Variants in DUOX2 observed in about 807,000 individuals in gnomAD.
The protein encoded by DUOX2 is NADH/NADPH thyroid oxidase p138-tox.
In DUOX2, 185 loss-of-function variants were observed where a neutral mutation model predicts 183.3. That is an observed-to-expected ratio of 1.01 (90% CI 0.90 to 1.14). The LOEUF (loss-of-function observed/expected upper bound fraction) is 1.14, where lower values mean the gene tolerates loss of function less well. DUOX2 is among the 50% of genes most tolerant of loss of function. The pLI, the probability that DUOX2 is intolerant of heterozygous loss-of-function variation, is 0.00. For missense variants in DUOX2, 1,999 were observed against 2,022.9 expected (o/e 0.99, Z 0.23); for synonymous variants, 788 against 812.4 (o/e 0.97, Z 0.51).
At chr15:45,110,083 G>A in intron 9 of DUOX2, 103 bp from the exon 10 acceptor site, 1 of 1,067,002 alleles carries the variant, frequency 9.4e-7, no homozygotes. Context: ...GGATTGAGCA[G>A]TGGCCCAGGA....
At chr15:45,095,287 T>C in intron 31 of DUOX2, 150 bp downstream of exon 31, 1 of 1,422,528 alleles carries the variant, frequency 7.0e-7, no homozygotes, top group South Asian at 1.2e-5. Context: ...CCAACCTCCC[T>C]CCAAGTTTGG....
Position 45,101,206 on chromosome 15 carries a change from G to A in DUOX2, c.2920C>T (p.Arg974Cys), listed in dbSNP as rs1465903121. ...TGCCAGAGCCCCATTCCTGCTCACCGCTCCCCAGGTGTCCGAGTGATGAAC... is the reference window on the plus strand; with the variant it reads ...TGCCAGAGCCCCATTCCTGCTCACCACTCCCCAGGTGTCCGAGTGATGAAC... The part of the protein sequence containing the change: ...VSFITRTPGE[R>C]SHPQGLGPPA... The change falls in exon 22 of 34, where the codon CGC becomes TGC. Residue 974 changes from arginine to cysteine, a missense_variant and splice_region_variant. This residue lies in a region of DUOX2 where 1,628 missense variants were observed against 1,608.6 expected (regional missense o/e 1.01). Coordinates refer to ENST00000389039, the MANE Select transcript of DUOX2 (RefSeq NM_001363711.2). 20 of 1,613,254 alleles carry A rather than the reference G, an allele frequency of 1.2e-5. No individual in the cohort carries two copies. The highest frequency in any genetic ancestry group is 4.4e-5 in the South Asian group (4 of 90,916).
chr15:45,094,540 G>A (rs751933939), intron 33 of DUOX2, 23 bp downstream of exon 33: 1 of 1,606,750 alleles, frequency 6.2e-7, no homozygotes, highest in South Asian at 1.1e-5. Context: ...CAGAGTCCCA[G>A]GGTGGGAGGG....
At chr15:45,110,320 C>T in intron 9 of DUOX2, 108 bp downstream of exon 9, 12 of 1,146,482 alleles carry the variant, frequency 1.0e-5, no homozygotes, top group East Asian at 2.6e-5. Context: ...TTTTTGCTTC[C>T]CCTTCTCTAG....
chr15:45,106,231 A>G lies in DUOX2; in HGVS notation c.2042T>C (p.Val681Ala). The change falls in exon 17 of 34, where the codon GTG (valine) becomes GCG (alanine). Residue 681 changes from valine to alanine, a missense_variant. Physicochemically the swap from Val to Ala is moderately conservative, Grantham distance 64 (BLOSUM62 0). Coordinates refer to ENST00000389039, the MANE Select transcript of DUOX2 (RefSeq NM_001363711.2). ...AGGCTGCAGCTGGACCACACGGAGC[A>G]CAGTGAGATGCCTGTTCAGGACCTG... Reference protein sequence around the residue: ...CLQVLNRHLTVLRVVQLQPLQ... With the variant: ...CLQVLNRHLTALRVVQLQPLQ... The G allele has an allele frequency of 6.2e-7, 1 of 1,614,174 alleles. No individual in the cohort carries two copies. Among genetic ancestry groups the G allele is most frequent in the African/African-American group, 1.3e-5 (1 of 75,052 alleles).
Position 45,101,955 on chromosome 15 carries a change from T to C in DUOX2, c.2689A>G (p.Lys897Glu). 6.2e-7 allele frequency: 1 copy of C among 1,614,202 alleles called. No individual in the cohort carries two copies. The highest frequency in any genetic ancestry group is 1.3e-5 in the African/African-American group (1 of 75,050). ...TCCACCACCTCGGCCAGCTGGGCCT[T>C]GGACAGGCAGTTGTTGGAGATCTCG... The part of the protein sequence containing the change: ...FIEISNNCLS[K>E]AQLAEVVESM... Residue 897 changes from lysine (K) to glutamate (E), a missense_variant, in exon 21 of 34, where the codon AAG becomes GAG. Coordinates refer to ENST00000389039, the MANE Select transcript of DUOX2 (RefSeq NM_001363711.2).
In DUOX2 at chr15:45,103,953, C is replaced by G; in HGVS notation, c.2654+7G>C. The G allele has an allele frequency of 6.2e-7, 1 of 1,614,008 alleles. No homozygotes were observed. Among genetic ancestry groups the G allele is most frequent in the East Asian group, 2.2e-5 (1 of 44,870 alleles). On this transcript the variant is annotated splice_region_variant and intron_variant, in intron 20 of 33. Transcript: ENST00000389039. ...AAGTCTCAGGATTAGAAAGGCACACCCCATACCGCATCATGGTGAAGAATT... is the reference window on the plus strand; with the variant it reads ...AAGTCTCAGGATTAGAAAGGCACACGCCATACCGCATCATGGTGAAGAATT...
rs1206017087 is a variant in DUOX2, at chr15:45,099,437, A to T, written c.3461T>A (p.Val1154Asp). 1 of 1,614,168 alleles carries T rather than the reference A, an allele frequency of 6.2e-7. No individual in the cohort carries two copies. The highest frequency in any genetic ancestry group is 8.5e-7 in the Non-Finnish European group (1 of 1,180,042). Residue 1154 changes from valine (V) to aspartate (D), a missense_variant, in exon 26 of 34, where the codon GTC becomes GAC. Physicochemically the swap from Val to Asp is radical, Grantham distance 152 (BLOSUM62 -3). Around this residue, in one of 3 missense-constraint regions of DUOX2, gnomAD observed 1,628 missense variants for 1,608.6 expected, o/e 1.01. Transcript: ENST00000389039. ...GHAVNVYIFS[V>D]SPLSLLACIF... ...GCAGGCCAGCAGGCTGAGTGGGCTG[A>T]CTGAGAAGATGTAGACATTGACTGC...
Position 45,097,688 on chromosome 15 carries a change from A to C in DUOX2, c.3619T>G (p.Ser1207Ala). 1 of 1,614,202 alleles carries C rather than the reference A, an allele frequency of 6.2e-7. No individual in the cohort carries two copies. The highest frequency in any genetic ancestry group is 1.1e-5 in the South Asian group (1 of 91,090). ...LVLAIMYVFASHHFRRRSFRG... is the reference protein window; with the variant it reads ...LVLAIMYVFAAHHFRRRSFRG... ...AAGCTGCGGCGGCGGAAGTGGTGGG[A>C]GGCGAAGACATACATGATGGCCAGG... The change falls in exon 28 of 34, where the codon TCC becomes GCC. Residue 1207 changes from serine to alanine, a missense_variant. Transcript: ENST00000389039.
rs1472569322 is a variant in DUOX2, at chr15:45,094,168, G to A, written c.4629C>T (p.His1543=). The change falls in exon 34 of 34, where the codon CAC becomes CAT. Residue 1543 remains histidine, a synonymous_variant. Transcript: ENST00000389039. ...GACAGGCTCAGAAGTTCTCATAGTGGTGCATGAAGTGGGCTCGGTCCTGCC... is the reference window on the plus strand; with the variant it reads ...GACAGGCTCAGAAGTTCTCATAGTGATGCATGAAGTGGGCTCGGTCCTGCC... ...VNRQDRAHFM[H]HYENF is the part of the protein sequence containing the mutation. The A allele has an allele frequency of 4.3e-6, 7 of 1,614,140 alleles. No individual in the cohort carries two copies. The highest frequency in any genetic ancestry group is 5.9e-6 in the Non-Finnish European group (7 of 1,180,020).
chr15:45,107,665 G>A (rs1010791590), intron 13 of DUOX2, among the ~76,000 whole-genome samples: 1 of 151,992 alleles, frequency 6.6e-6, no homozygotes, highest in Non-Finnish European at 1.5e-5. Context: ...CCAGCATAGT[G>A]AAACCCCATC....
Position 45,106,843 on chromosome 15 carries a change from C to T in DUOX2, c.1820G>A (p.Cys607Tyr). ...GFAITIIALCCLPLVSLLLSG... is the reference protein window; with the variant it reads ...GFAITIIALCYLPLVSLLLSG... ...GCCTAAGAGCTCACCTAAGGGAAGG[C>T]AGCAGAGAGCAATGATGGTGATGGC... Residue 607 changes from cysteine to tyrosine, a missense_variant, in exon 15 of 34, where the codon TGC becomes TAC. Cys to Tyr is a radical substitution (Grantham distance 194, BLOSUM62 -2). Transcript: ENST00000389039. 1 of 1,594,164 alleles carries T rather than the reference C, an allele frequency of 6.3e-7. No homozygotes were observed. The highest frequency in any genetic ancestry group is 8.5e-7 in the Non-Finnish European group (1 of 1,171,170).
Position 45,095,901 on chromosome 15 carries a change from A to G in DUOX2, c.4007T>C (p.Val1336Ala), listed in dbSNP as rs1044930993. 8 of 1,613,516 alleles carry G rather than the reference A, an allele frequency of 5.0e-6. No homozygotes were observed. The highest frequency in any genetic ancestry group is 5.9e-6 in the Non-Finnish European group (7 of 1,179,958). The change falls in exon 30 of 34, where the codon GTG becomes GCG. Residue 1336 changes from valine (V) to alanine (A), a missense_variant. This residue lies in a region of DUOX2 where 1,628 missense variants were observed against 1,608.6 expected (regional missense o/e 1.01). Transcript: ENST00000389039. ...CCTGAGGCGAGTGGTCCAGGGCCCC[A>G]CTGCCCGGATGTGCAGGCTGAGTGT... ...EDTLSLHIRA[V>A]GPWTTRLREI...
intron 9 of DUOX2, 107 bp downstream of exon 9, chr15:45,110,321 C>G: frequency 8.6e-7 from 1 of 1,161,064 alleles, no homozygotes; most frequent in Non-Finnish European, 1.2e-6. Flanking sequence ...TTTTGCTTCC[C>G]CTTCTCTAGT....
At chr15:45,112,099 G>T in intron 4 of DUOX2, 144 bp from the exon 5 acceptor site, 1 of 967,176 alleles carries the variant, frequency 1.0e-6, no homozygotes, top group Non-Finnish European at 1.6e-6. Flanking sequence ...TTAGCCCCAG[G>T]TAGCCTCAAT....
In DUOX2 at chr15:45,106,113, G is replaced by A. The variant is rs757209603; in HGVS notation, c.2148+12C>T. 6.2e-6 allele frequency: 10 copies of A among 1,613,886 alleles called. No individual in the cohort carries two copies. The African/African-American group carries it at 1.2e-4, about 19-fold the overall frequency. Reference sequence around the variant, plus strand: ...AGGGCAGCCCAGGCTGGGGAGGCAGGACGAGCCATACCAGGTCATACTCCT... The same window carrying A: ...AGGGCAGCCCAGGCTGGGGAGGCAGAACGAGCCATACCAGGTCATACTCCT... On this transcript the variant is annotated intron_variant, in intron 17 of 33. Coordinates refer to ENST00000389039, the MANE Select transcript of DUOX2 (RefSeq NM_001363711.2).
At chr15:45,106,745 C>G in intron 15 of DUOX2, 87 bp downstream of exon 15, 1 of 1,607,048 alleles carries the variant, frequency 6.2e-7, no homozygotes, top group East Asian at 2.2e-5. Context: ...TGAGCCTGGT[C>G]TCAAACGGTA....
chr15:45,099,453 C>T lies in DUOX2; in HGVS notation c.3445G>A (p.Val1149Ile), dbSNP rs1894003889. The change falls in exon 26 of 34, where the codon GTC (valine) becomes ATC (isoleucine). Residue 1149 changes from valine to isoleucine, a missense_variant. Physicochemically the swap from Val to Ile is conservative, Grantham distance 29. Coordinates refer to ENST00000389039, the MANE Select transcript of DUOX2 (RefSeq NM_001363711.2). ...AGTGGGCTGACTGAGAAGATGTAGA[C>T]ATTGACTGCGTGGCCAGCACTGTGC... ...ILHSAGHAVN[V>I]YIFSVSPLSL... The T allele has an allele frequency of 1.6e-5, 26 of 1,613,942 alleles. No homozygotes were observed. Among genetic ancestry groups the T allele is most frequent in the Non-Finnish European group, 2.2e-5 (26 of 1,180,040 alleles).
chr15:45,105,041 G>A (rs746223348), intron 18 of DUOX2, among the ~76,000 whole-genome samples: 1 of 152,064 alleles, frequency 6.6e-6, no homozygotes, highest in African/African-American at 2.4e-5. Flanking sequence ...TGCTAGTCTC[G>A]AACTCCTGAC....
Sources: allele counts gnomAD v4.1 joint callset (sites outside exome capture counted in the v4.1 genomes callset), GRCh38; gene constraint gnomAD v4.1.1; regional missense constraint gnomAD v4.1.1; transcripts MANE v1.5; gene names NCBI Gene and HGNC (gene_info 2026-07-23, HGNC 2026-07-21).